Variants in KANSL1 observed in about 807,000 individuals in gnomAD.
KANSL1 encodes the protein MLL1/MLL complex subunit KANSL1.
KANSL1 carries 22 observed loss-of-function variants against 103.6 expected under a neutral mutation model. The observed-to-expected ratio is 0.21, with a 90% CI of 0.15 to 0.30. The LOEUF (loss-of-function observed/expected upper bound fraction) is 0.30, where lower values mean the gene tolerates loss of function less well. Among genes scored for constraint, KANSL1 ranks in the 10% least tolerant of loss-of-function variants. The pLI, the probability that KANSL1 is intolerant of heterozygous loss-of-function variation, is 1.00. For missense variants in KANSL1, 1,337 were observed against 1,399.8 expected, an observed-to-expected ratio of 0.96 and a Z score of 0.72; for synonymous variants, 600 against 527.6, an observed-to-expected ratio of 1.14 and a Z score of -1.88.
chr17:46,107,018 G>A (rs2042595511), intron 2 of KANSL1, among the ~76,000 whole-genome samples: 1 of 152,162 alleles, frequency 6.6e-6, no homozygotes, highest in Admixed American at 6.5e-5. Context: ...AAGGCCCCAG[G>A]ACTAAAGGAA....
intron 1 of KANSL1, among the ~76,000 whole-genome samples, chr17:46,206,630 T>C (rs1401903382): frequency 6.6e-6 from 1 of 152,248 alleles, no homozygotes; most frequent in African/African-American, 2.4e-5. Flanking sequence ...TGCAGTAGAA[T>C]GAAGCTGGAC....
intron 1 of KANSL1, among the ~76,000 whole-genome samples, chr17:46,189,159 T>C (rs1172631845): frequency 6.7e-6 from 1 of 149,554 alleles, no homozygotes; most frequent in Non-Finnish European, 1.5e-5. Flanking sequence ...CACTCTAAAC[T>C]GTAGCGCACA....
intron 1 of KANSL1, among the ~76,000 whole-genome samples, chr17:46,182,347 G>A (rs2046833047): frequency 6.6e-6 from 1 of 152,266 alleles, no homozygotes; most frequent in Non-Finnish European, 1.5e-5. Flanking sequence ...AAGAGAAAGA[G>A]AGGAAAAGAA....
intron 2 of KANSL1, among the ~76,000 whole-genome samples, chr17:46,160,412 C>CCTCA (rs2045670512): frequency 6.6e-6 from 1 of 152,200 alleles, no homozygotes; most frequent in South Asian, 2.1e-4. Flanking sequence ...AATCCTCCTA[C>CCTCA]CTCAGCCTCC....
At chr17:46,106,265 A>C (rs2042562382) in intron 2 of KANSL1, among the ~76,000 whole-genome samples, 1 of 152,210 alleles carries the variant, frequency 6.6e-6, no homozygotes, top group African/African-American at 2.4e-5. Context: ...TCCAACGCAC[A>C]ATCTCCAGGA....
At chr17:46,095,849 T>C (rs74521229) in intron 2 of KANSL1, among the ~76,000 whole-genome samples, 23,136 of 151,614 alleles carry the variant, frequency 0.15, 754 homozygotes, top group South Asian at 0.36. Flanking sequence ...AAGACAATCT[T>C]AACAGAAATA....
At chr17:46,133,724 A>C (rs2043982968) in intron 2 of KANSL1, among the ~76,000 whole-genome samples, 1 of 152,258 alleles carries the variant, frequency 6.6e-6, no homozygotes, top group African/African-American at 2.4e-5. Context: ...CTTTCAGGTA[A>C]CTGAAAGTGG....
intron 1 of KANSL1, among the ~76,000 whole-genome samples, chr17:46,186,488 G>T (rs886949503): frequency 6.6e-5 from 10 of 152,064 alleles, no homozygotes; most frequent in Non-Finnish European, 1.5e-4. Context: ...TTAGAGAAAA[G>T]TCAATTAATG....
chr17:46,177,520 C>A (rs978098471), intron 1 of KANSL1, among the ~76,000 whole-genome samples: 1 of 152,158 alleles, frequency 6.6e-6, no homozygotes, highest in African/African-American at 2.4e-5. Context: ...CTAAGTGTGG[C>A]AGAGCTATAT....
chr17:46,111,072 A>T (rs1224088760), intron 2 of KANSL1, among the ~76,000 whole-genome samples: 1 of 152,212 alleles, frequency 6.6e-6, no homozygotes, highest in Non-Finnish European at 1.5e-5. Context: ...TTTCCCTTAA[A>T]TTATTAAGTT....
chr17:46,151,450 T>C (rs1169368867), intron 2 of KANSL1, among the ~76,000 whole-genome samples: 2 of 152,214 alleles, frequency 1.3e-5, no homozygotes, highest in Non-Finnish European at 1.5e-5. Context: ...ACCACCCTAT[T>C]AATATAGACA....
intron 2 of KANSL1, among the ~76,000 whole-genome samples, chr17:46,155,849 C>T (rs1003919145): frequency 1.3e-5 from 2 of 152,152 alleles, no homozygotes; most frequent in Non-Finnish European, 2.9e-5. Context: ...AGGAGGATTA[C>T]TTAAGCCCAG....
At chr17:46,056,777 A>C (rs1445515419) in intron 6 of KANSL1, among the ~76,000 whole-genome samples, 1 of 152,248 alleles carries the variant, frequency 6.6e-6, no homozygotes, top group Non-Finnish European at 1.5e-5. Flanking sequence ...TGACTCTGTA[A>C]CTGTTAAAAC....
At chr17:46,117,040 G>T (rs1271828549) in intron 2 of KANSL1, among the ~76,000 whole-genome samples, 1 of 152,194 alleles carries the variant, frequency 6.6e-6, no homozygotes, top group Non-Finnish European at 1.5e-5. Context: ...TTTAAAAAGG[G>T]TTACAAATTC....
chr17:46,188,816 A>C (rs1186733618), intron 1 of KANSL1, among the ~76,000 whole-genome samples: 1 of 152,092 alleles, frequency 6.6e-6, no homozygotes, highest in African/African-American at 2.4e-5. Flanking sequence ...GGATCACCTG[A>C]GGTCCGGAGT....
chr17:46,221,631 CTGAG>C (rs2048535031), intron 1 of KANSL1: 1 of 150,616 alleles, frequency 6.6e-6, no homozygotes, highest in African/African-American at 2.4e-5. Flanking sequence ...TTTGTGAAGA[CTGAG>C]TGAGTGTGAC....
intron 3 of KANSL1, among the ~76,000 whole-genome samples, chr17:46,088,274 C>CTT (rs1306659583): frequency 6.6e-6 from 1 of 152,168 alleles, no homozygotes; most frequent in Non-Finnish European, 1.5e-5. Flanking sequence ...CACATACTTC[C>CTT]TTACATCACT....
chr17:46,130,076 C>T (rs1467214768), intron 2 of KANSL1, among the ~76,000 whole-genome samples: 1 of 151,370 alleles, frequency 6.6e-6, no homozygotes, highest in Non-Finnish European at 1.5e-5. Flanking sequence ...GTCCCAGATG[C>T]TCAGGAGGCT....
chr17:46,058,573 G>A (rs1364710328), intron 6 of KANSL1, among the ~76,000 whole-genome samples: 1 of 152,036 alleles, frequency 6.6e-6, no homozygotes, highest in African/African-American at 2.4e-5. Flanking sequence ...ACTACTATAG[G>A]GATAAAATTT....
Sources: gnomAD v4.1 joint callset for allele counts (sites outside exome capture counted in the v4.1 genomes callset) on GRCh38, gnomAD v4.1.1 for gene constraint, MANE v1.5 for transcripts, NCBI Gene and HGNC (gene_info 2026-07-23, HGNC 2026-07-21) for gene names.